Variants in MAP3K20 observed in about 807,000 individuals in gnomAD.
MAP3K20 encodes the protein HCCS-4.
A neutral mutation model predicts 85.7 loss-of-function variants in MAP3K20; 40 were observed. That is an observed-to-expected ratio of 0.47 (90% CI 0.36 to 0.61). The LOEUF (loss-of-function observed/expected upper bound fraction) is 0.61. Ranked by LOEUF, MAP3K20 falls within the 20% of genes least tolerant of loss-of-function variation. MAP3K20 has a pLI of 0.00. For synonymous variants in MAP3K20, 325 were observed against 327.7 expected (o/e 0.99, Z 0.09); for missense variants, 817 against 961.7 (o/e 0.85, Z 1.99).
At chr2:173,173,288 A>G (rs1221165175) in intron 3 of MAP3K20, among the ~76,000 whole-genome samples, 1 of 151,910 alleles carries the variant, frequency 6.6e-6, no homozygotes, top group Non-Finnish European at 1.5e-5. Flanking sequence ...GCTCTTTTGT[A>G]GCAAGCCAGA....
intron 18 of MAP3K20, among the ~76,000 whole-genome samples, chr2:173,263,134 GA>G (rs1293009826): frequency 6.6e-6 from 1 of 152,156 alleles, no homozygotes; most frequent in Non-Finnish European, 1.5e-5. Context: ...GGAGATTTCA[GA>G]ACAAGAAAGT....
At chr2:173,224,172 T>A in intron 11 of MAP3K20, 1 of 880,954 alleles carries the variant, frequency 1.1e-6, no homozygotes, top group Non-Finnish European at 1.4e-6. Flanking sequence ...GGCCCATGGG[T>A]GGGTGTTGAG....
intron 4 of MAP3K20, among the ~76,000 whole-genome samples, chr2:173,183,305 T>C (rs1690386368): frequency 6.6e-6 from 1 of 152,188 alleles, no homozygotes; most frequent in Non-Finnish European, 1.5e-5. Context: ...AAGTCTCTAC[T>C]TAGACTCAGT....
intron 1 of MAP3K20, among the ~76,000 whole-genome samples, chr2:173,085,496 T>C (rs1229500853): frequency 6.6e-6 from 1 of 152,220 alleles, no homozygotes; most frequent in Non-Finnish European, 1.5e-5. Flanking sequence ...TTTTGAATTT[T>C]AATTTAAGGA....
chr2:173,179,748 CT>C (rs1299589025), intron 3 of MAP3K20, among the ~76,000 whole-genome samples: 1 of 139,744 alleles, frequency 7.2e-6, no homozygotes, highest in Non-Finnish European at 1.6e-5. Flanking sequence ...ACAAAAGCTA[CT>C]AAAACTAACA....
chr2:173,124,483 TG>T (rs1688385865), intron 2 of MAP3K20, among the ~76,000 whole-genome samples: 1 of 152,024 alleles, frequency 6.6e-6, no homozygotes, highest in Non-Finnish European at 1.5e-5. Flanking sequence ...GGGGGTTGGT[TG>T]GGGTTCCATG....
intron 2 of MAP3K20, among the ~76,000 whole-genome samples, chr2:173,131,377 A>G (rs1688613496): frequency 6.6e-6 from 1 of 152,226 alleles, no homozygotes; most frequent in Non-Finnish European, 1.5e-5. Context: ...ATGGATACCC[A>G]GTGTGATGGA....
chr2:173,232,122 T>A, intron 12 of MAP3K20, 70 bp from the exon 13 acceptor site: 1 of 1,575,168 alleles, frequency 6.3e-7, no homozygotes, highest in Non-Finnish European at 8.7e-7. Flanking sequence ...GAAAACTCTA[T>A]GTTTACTGTG....
chr2:173,167,194 C>T (rs1232361747), intron 2 of MAP3K20, among the ~76,000 whole-genome samples: 1 of 151,974 alleles, frequency 6.6e-6, no homozygotes, highest in Non-Finnish European at 1.5e-5. Flanking sequence ...GGATTACAGG[C>T]GTGAGCCACT....
chr2:173,261,488 G>A (rs913273353), intron 18 of MAP3K20, among the ~76,000 whole-genome samples: 3 of 152,112 alleles, frequency 2.0e-5, no homozygotes, highest in Non-Finnish European at 4.4e-5. Flanking sequence ...TGGCTGGTAG[G>A]ACATACACCT....
intron 9 of MAP3K20, among the ~76,000 whole-genome samples, chr2:173,206,877 A>T (rs1683703293): frequency 6.6e-6 from 1 of 152,092 alleles, no homozygotes; most frequent in Non-Finnish European, 1.5e-5. Context: ...GTAGCAATTC[A>T]ACCAGAAGTT....
chr2:173,223,685 A>G (rs1224050846), intron 11 of MAP3K20: 18 of 985,302 alleles, frequency 1.8e-5, no homozygotes, highest in Non-Finnish European at 2.2e-5. Flanking sequence ...CTAAACACAA[A>G]AACAGTAGAT....
At chr2:173,110,996 G>T (rs1687959386) in intron 2 of MAP3K20, among the ~76,000 whole-genome samples, 1 of 152,162 alleles carries the variant, frequency 6.6e-6, no homozygotes, top group South Asian at 2.1e-4. Context: ...GTTCTTTAAG[G>T]AATCTCCACA....
intron 16 of MAP3K20, among the ~76,000 whole-genome samples, chr2:173,254,875 T>C (rs748874188): frequency 2.0e-4 from 30 of 152,250 alleles, no homozygotes; most frequent in Non-Finnish European, 3.1e-4. Context: ...GCCCTGAAGC[T>C]ACCTGGAGTT....
In MAP3K20 at chr2:173,090,811, A is replaced by G. The variant is rs916445176; in HGVS notation, c.-34-187A>G. 3.3e-6 allele frequency: 4 copies of G among 1,226,338 alleles called. No individual in the cohort carries two copies. In the South Asian group the frequency reaches 1.0e-4, roughly 31 times the overall value. 76.0% of individuals were successfully genotyped at this position (1,226,338 alleles called of 1,614,324 possible). On this transcript the variant is annotated intron_variant, in intron 1 of 19. Transcript: ENST00000375213. ...CAAAGTCTGGGCAGGTTGTTGTTGAATTTTGCGTGGGCTGCCAGGGTGAGT... is the reference window on the plus strand; with the variant it reads ...CAAAGTCTGGGCAGGTTGTTGTTGAGTTTTGCGTGGGCTGCCAGGGTGAGT...
chr2:173,182,803 C>G (rs1046156421), intron 3 of MAP3K20, 51 bp from the exon 4 acceptor site: 5 of 1,265,500 alleles, frequency 4.0e-6, no homozygotes, highest in Non-Finnish European at 5.4e-6. Flanking sequence ...AGTCTTATTT[C>G]TGAAATGTAT....
At chr2:173,225,593 CA>C (rs3037126) in intron 11 of MAP3K20, 702 of 850,678 alleles carry the variant, frequency 8.3e-4, no homozygotes, top group East Asian at 4.5e-3. Context: ...GACTTCATCT[CA>C]AAAAAAAAAA....
chr2:173,251,639 C>G (rs182126065), intron 16 of MAP3K20, among the ~76,000 whole-genome samples: 4 of 152,160 alleles, frequency 2.6e-5, no homozygotes, highest in Admixed American at 2.0e-4. Context: ...GTCCTGGTTA[C>G]GCAGGCAGCT....
intron 2 of MAP3K20, among the ~76,000 whole-genome samples, chr2:173,100,795 C>T (rs896664076): frequency 5.9e-5 from 9 of 152,076 alleles, no homozygotes; most frequent in African/African-American, 1.9e-4. Context: ...CATTGTGCTA[C>T]GTATATAAAT....
Sources: allele counts gnomAD v4.1 joint callset (sites outside exome capture counted in the v4.1 genomes callset), GRCh38; gene constraint gnomAD v4.1.1; transcripts MANE v1.5; gene names NCBI Gene and HGNC (gene_info 2026-07-23, HGNC 2026-07-21).